TCAF1: variants seen among roughly 807,000 people sequenced by gnomAD.
The protein encoded by TCAF1 is TRPM8 channel associated factor 1, also known as TRPM8 channel-associated factor 1.
A neutral mutation model predicts 27.3 loss-of-function variants in TCAF1; 4 were observed. That is an observed-to-expected ratio of 0.15 (90% CI 0.07 to 0.34). TCAF1 has a LOEUF of 0.34. Ranked by LOEUF, TCAF1 falls within the 10% of genes least tolerant of loss-of-function variation. The pLI is 1.00. For missense variants in TCAF1, 257 were observed against 425.8 expected (o/e 0.60, Z 3.49); for synonymous variants, 105 against 167.1 (o/e 0.63, Z 2.87).
chr7:143,889,631 A>C (rs558390485), intron 1 of TCAF1, among the ~76,000 whole-genome samples: 3 of 152,364 alleles, frequency 2.0e-5, no homozygotes, highest in Admixed American at 2.0e-4. Context: ...GGCTACCAAG[A>C]GGCAGAAGTG....
intron 1 of TCAF1, chr7:143,881,825 T>A (rs1047559031): frequency 6.6e-5 from 10 of 152,208 alleles, no homozygotes; most frequent in African/African-American, 2.4e-4. Flanking sequence ...TCTGTCTTTC[T>A]CTTACTCCTA....
At chr7:143,875,268 C>T (rs1812630787) in intron 2 of TCAF1, among the ~76,000 whole-genome samples, 1 of 152,156 alleles carries the variant, frequency 6.6e-6, no homozygotes, top group African/African-American at 2.4e-5. Context: ...AGCTTATAAT[C>T]CCTCTCATTC....
chr7:143,874,802 T>C (rs574280677), intron 2 of TCAF1, among the ~76,000 whole-genome samples: 8 of 152,334 alleles, frequency 5.3e-5, no homozygotes, highest in Admixed American at 2.0e-4. Flanking sequence ...GACTTTTGTT[T>C]CCAAGTCTTG....
chr7:143,900,741 C>G (rs2116881638), intron 1 of TCAF1, among the ~76,000 whole-genome samples: 1 of 152,264 alleles, frequency 6.6e-6, no homozygotes, highest in South Asian at 2.1e-4. Flanking sequence ...ATAGATAAAT[C>G]ATACACCTCC....
intron 2 of TCAF1, 45 bp downstream of exon 2, chr7:143,875,944 C>G (rs756335896): frequency 1.3e-6 from 2 of 1,508,952 alleles, no homozygotes; most frequent in African/African-American, 2.8e-5. Context: ...ACTGGGTCTG[C>G]TTTTCAACCC....
At chr7:143,878,111 A>G (rs1812818751) in intron 1 of TCAF1, among the ~76,000 whole-genome samples, 1 of 152,174 alleles carries the variant, frequency 6.6e-6, no homozygotes, top group African/African-American at 2.4e-5. Context: ...TCTGCCATAT[A>G]CGCTTGTCCT....
intron 1 of TCAF1, among the ~76,000 whole-genome samples, chr7:143,888,121 A>C (rs1436312254): frequency 1.3e-5 from 2 of 152,244 alleles, no homozygotes; most frequent in East Asian, 1.9e-4. Context: ...GGTGTTAAAA[A>C]TAATGTTTTA....
intron 1 of TCAF1, among the ~76,000 whole-genome samples, chr7:143,891,273 A>G (rs1481439051): frequency 2.0e-4 from 30 of 152,238 alleles, no homozygotes; most frequent in Non-Finnish European, 5.9e-5. Context: ...GCAGTTAAAA[A>G]AACAGAATAA....
intron 1 of TCAF1, among the ~76,000 whole-genome samples, chr7:143,883,237 T>C (rs1047202032): frequency 6.6e-6 from 1 of 152,166 alleles, no homozygotes; most frequent in Non-Finnish European, 1.5e-5. Context: ...GTAGAAATTG[T>C]TGAATATGCT....
intron 1 of TCAF1, chr7:143,886,385 G>A (rs1813404930): frequency 2.3e-6 from 1 of 433,388 alleles, no homozygotes; most frequent in South Asian, 9.8e-5. Flanking sequence ...GGTGGCTTCA[G>A]TGGTGAAAGG....
At chr7:143,884,265 C>T (rs1336786153) in intron 1 of TCAF1, among the ~76,000 whole-genome samples, 1 of 152,136 alleles carries the variant, frequency 6.6e-6, no homozygotes, top group Non-Finnish European at 1.5e-5. Flanking sequence ...TACTCCCTTT[C>T]CCCATCTCCC....
chr7:143,884,379 G>C (rs1014125988), intron 1 of TCAF1, among the ~76,000 whole-genome samples: 2 of 152,100 alleles, frequency 1.3e-5, no homozygotes, highest in Non-Finnish European at 2.9e-5. Context: ...GGCAGGGAGA[G>C]AAATCAAGAG....
intron 2 of TCAF1, among the ~76,000 whole-genome samples, chr7:143,867,549 AAATATTTT>A: frequency 6.6e-6 from 1 of 150,722 alleles, no homozygotes; most frequent in Non-Finnish European, 1.5e-5. Flanking sequence ...TAAGTATTGC[AAATATTTT>A]TTTTTCCAGT....
chr7:143,896,514 CTA>C (rs1168047355), intron 1 of TCAF1, among the ~76,000 whole-genome samples: 1 of 152,024 alleles, frequency 6.6e-6, no homozygotes, highest in African/African-American at 2.4e-5. Context: ...TAATTACAGA[CTA>C]CACATTCTTT....
At chr7:143,879,265 T>A (rs1812886870) in intron 1 of TCAF1, among the ~76,000 whole-genome samples, 1 of 152,130 alleles carries the variant, frequency 6.6e-6, no homozygotes, top group Admixed American at 6.5e-5. Context: ...ATGCTCAATC[T>A]CACTAGTAGT....
At chr7:143,882,569 C>T (rs1355155011) in intron 1 of TCAF1, 8 of 985,228 alleles carry the variant, frequency 8.1e-6, no homozygotes, top group Non-Finnish European at 9.6e-6. Flanking sequence ...GATTCTCTGT[C>T]CCCGATGATT....
At chr7:143,883,260 G>C (rs908724535) in intron 1 of TCAF1, among the ~76,000 whole-genome samples, 1 of 151,984 alleles carries the variant, frequency 6.6e-6, no homozygotes, top group African/African-American at 2.4e-5. Flanking sequence ...TGTTTTTATA[G>C]GAAAAACAAA....
At chr7:143,886,699 CCTTT>C (rs1457597619) in intron 1 of TCAF1, among the ~76,000 whole-genome samples, 2 of 123,984 alleles carry the variant, frequency 1.6e-5, no homozygotes, top group Non-Finnish European at 3.3e-5. Flanking sequence ...TCAAATTTTA[CCTTT>C]TTTTTTTTTT....
At chr7:143,892,713 T>C (rs1362225647) in intron 1 of TCAF1, among the ~76,000 whole-genome samples, 2 of 151,996 alleles carry the variant, frequency 1.3e-5, no homozygotes, top group Non-Finnish European at 2.9e-5. Context: ...GGAATGGTAT[T>C]AGGAAGTGGG....
Sources: allele counts gnomAD v4.1 joint callset (sites outside exome capture counted in the v4.1 genomes callset), GRCh38; gene constraint gnomAD v4.1.1; transcripts MANE v1.5; gene names NCBI Gene and HGNC (gene_info 2026-07-23, HGNC 2026-07-21).